The following GRID2 variants were observed in gnomAD, a reference collection of about 807,000 sequenced individuals.
GRID2 encodes glutamate ionotropic receptor delta type subunit 2.
In GRID2, 33 loss-of-function variants were observed where a neutral mutation model predicts 114.8. The observed-to-expected ratio is 0.29, with a 90% CI of 0.22 to 0.38. The LOEUF is 0.38. Ranked by LOEUF, GRID2 falls within the 10% of genes least tolerant of loss-of-function variation. GRID2 has a pLI of 1.00. For synonymous variants in GRID2, 505 were observed against 449.9 expected, an observed-to-expected ratio of 1.12 and a Z score of -1.55; for missense variants, 1,184 against 1,257.7, an observed-to-expected ratio of 0.94 and a Z score of 0.89.
chr4:93,430,473 G>A lies in GRID2; in HGVS notation c.1545+7505G>A, dbSNP rs146454007. Among the ~76,000 whole-genome samples the A allele has an allele frequency of 1.7e-3, 263 of 152,298 alleles. 1 individual carries two copies. The highest frequency in any genetic ancestry group is 2.8e-3 in the Non-Finnish European group (193 of 68,034). On this transcript the variant is annotated intron_variant, in intron 10 of 15. Coordinates refer to ENST00000282020, the MANE Select transcript of GRID2 (RefSeq NM_001510.4). ...TAGAATTACTGGCATGAGCCACTGC[G>A]CCCTGCCTATAAATATTTCAAAACA...
chr4:93,373,191 T>C (rs955563708), intron 8 of GRID2, among the ~76,000 whole-genome samples: 1 of 152,206 alleles, frequency 6.6e-6, no homozygotes, highest in African/African-American at 2.4e-5. Flanking sequence ...CAGAACTTGC[T>C]AATATTTATC....
intron 8 of GRID2, among the ~76,000 whole-genome samples, chr4:93,344,061 G>T (rs929342364): frequency 1.3e-5 from 2 of 152,034 alleles, no homozygotes; most frequent in African/African-American, 4.8e-5. Flanking sequence ...CCTTTCCAAA[G>T]TAATAGTTAT....
At chr4:93,389,313 G>GA in intron 8 of GRID2, among the ~76,000 whole-genome samples, 1 of 151,982 alleles carries the variant, frequency 6.6e-6, no homozygotes. Context: ...AATATTATTA[G>GA]AAAAAATAAT....
intron 1 of GRID2, among the ~76,000 whole-genome samples, chr4:92,489,954 ACTT>A (rs1174160484): frequency 3.9e-5 from 6 of 152,072 alleles, no homozygotes; most frequent in Non-Finnish European, 8.8e-5. Context: ...TTTTGGAGCT[ACTT>A]CTTTATATGA....
At chr4:93,805,383 T>C (rs944206481) in intron 1 of GRID2, among the ~76,000 whole-genome samples, 4 of 152,248 alleles carry the variant, frequency 2.6e-5, no homozygotes, top group African/African-American at 9.6e-5. Flanking sequence ...AAACTGTTTT[T>C]GAAATTAGTG....
intron 8 of GRID2, among the ~76,000 whole-genome samples, chr4:93,251,933 G>T (rs1406342459): frequency 1.3e-5 from 2 of 152,156 alleles, no homozygotes; most frequent in Admixed American, 6.5e-5. Context: ...GAATAGTGCT[G>T]CAGTGAACAC....
intron 11 of GRID2, among the ~76,000 whole-genome samples, chr4:93,464,722 A>G (rs1305437922): frequency 6.6e-6 from 1 of 152,208 alleles, no homozygotes; most frequent in Non-Finnish European, 1.5e-5. Flanking sequence ...CAAAAGATAA[A>G]TGCATGACCC....
intron 8 of GRID2, among the ~76,000 whole-genome samples, chr4:93,330,331 T>C (rs1314910588): frequency 6.6e-6 from 1 of 152,128 alleles, no homozygotes; most frequent in African/African-American, 2.4e-5. Flanking sequence ...AATCAGGAGT[T>C]AGGAGACTCC....
At chr4:92,705,355 A>G (rs1419063491) in intron 2 of GRID2, among the ~76,000 whole-genome samples, 1 of 152,210 alleles carries the variant, frequency 6.6e-6, no homozygotes, top group Admixed American at 6.5e-5. Context: ...TTCGACATTT[A>G]TTTATTGAGA....
At chr4:92,342,703 C>G (rs184175186) in intron 1 of GRID2, among the ~76,000 whole-genome samples, 21 of 152,206 alleles carry the variant, frequency 1.4e-4, no homozygotes, top group African/African-American at 4.6e-4. Flanking sequence ...TCAGTAACAC[C>G]ATAAAGTGAG....
chr4:92,771,235 T>C (rs1174270132), intron 2 of GRID2, among the ~76,000 whole-genome samples: 1 of 152,202 alleles, frequency 6.6e-6, no homozygotes, highest in East Asian at 1.9e-4. Context: ...GTCGTTAGTA[T>C]CACAAGAAAT....
intron 4 of GRID2, among the ~76,000 whole-genome samples, chr4:93,127,932 G>T (rs552724675): frequency 7.6e-5 from 11 of 145,496 alleles, no homozygotes; most frequent in Non-Finnish European, 1.3e-4. Context: ...GATGTGGGAG[G>T]ATAGTTTGAT....
intron 2 of GRID2, among the ~76,000 whole-genome samples, chr4:92,641,254 A>G (rs1006421784): frequency 6.6e-6 from 1 of 151,186 alleles, no homozygotes; most frequent in Non-Finnish European, 1.5e-5. Context: ...TGAAAATTTC[A>G]TATTATATTA....
intron 4 of GRID2, among the ~76,000 whole-genome samples, chr4:93,147,006 A>AATTT (rs1736325903): frequency 6.6e-6 from 1 of 152,194 alleles, no homozygotes; most frequent in South Asian, 2.1e-4. Context: ...TTGAAAATAT[A>AATTT]ATGAGATTGA....
At chr4:92,966,715 T>A (rs563138118) in intron 2 of GRID2, among the ~76,000 whole-genome samples, 1 of 152,054 alleles carries the variant, frequency 6.6e-6, no homozygotes, top group South Asian at 2.1e-4. Context: ...GCCATGATTG[T>A]GAGGCCTCCC....
chr4:92,621,370 C>A (rs576194446), intron 2 of GRID2, among the ~76,000 whole-genome samples: 3 of 151,824 alleles, frequency 2.0e-5, no homozygotes, highest in African/African-American at 7.2e-5. Flanking sequence ...AACTCATTGG[C>A]AACTATTTAC....
chr4:93,663,930 G>A (rs767207628), intron 14 of GRID2, among the ~76,000 whole-genome samples: 11 of 152,046 alleles, frequency 7.2e-5, no homozygotes, highest in African/African-American at 2.2e-4. Context: ...TTTTTCAAAC[G>A]TATTCGGATT....
chr4:92,466,827 T>A lies in GRID2; in HGVS notation c.89-123304T>A, dbSNP rs1406263994. On this transcript the variant is annotated intron_variant, in intron 1 of 15. Coordinates refer to ENST00000282020, the MANE Select transcript of GRID2 (RefSeq NM_001510.4). ...CCTAAATGATACATACATATATATA[T>A]ATATGTGTGTGTGTGTTATATATAT... Among the ~76,000 whole-genome samples, 3 of 151,746 alleles carry A rather than the reference T, an allele frequency of 2.0e-5. No individual in the cohort carries two copies. In the East Asian group the frequency reaches 5.8e-4, roughly 29 times the overall value.
At chr4:93,508,604 G>A (rs1728877752) in intron 12 of GRID2, among the ~76,000 whole-genome samples, 1 of 152,102 alleles carries the variant, frequency 6.6e-6, no homozygotes, top group South Asian at 2.1e-4. Context: ...AGTTTCAGGG[G>A]AATGCTTACT....
Sources: allele counts gnomAD v4.1 joint callset (sites outside exome capture counted in the v4.1 genomes callset), GRCh38; gene constraint gnomAD v4.1.1; transcripts MANE v1.5; gene names NCBI Gene and HGNC (gene_info 2026-07-23, HGNC 2026-07-21).